The following TBC1D2 variants were observed in gnomAD, a reference collection of about 807,000 sequenced individuals.
TBC1D2 encodes TBC1 domain family member 2A.
Under a neutral mutation model 91.1 loss-of-function variants are expected in TBC1D2, and 58 were observed. That is an observed-to-expected ratio of 0.64 (90% CI 0.52 to 0.79). The LOEUF is 0.79. Ranked by LOEUF, TBC1D2 falls within the 30% of genes least tolerant of loss-of-function variation. TBC1D2 has a pLI of 0.00. For missense variants in TBC1D2, 1,080 were observed against 1,208.3 expected, an observed-to-expected ratio of 0.89 and a Z score of 1.57; for synonymous variants, 482 against 511.5, an observed-to-expected ratio of 0.94 and a Z score of 0.78.
chr9:98,213,555 A>G (rs41283616), intron 6 of TBC1D2: 74,313 of 360,540 alleles, frequency 0.21, 8,374 homozygotes, highest in African/African-American at 0.29. Context: ...GCAGTTGGGA[A>G]ACTAAGTGAG....
Position 98,251,800 on chromosome 9 carries a change from G to T in TBC1D2, c.496C>A (p.Leu166Met). 6.2e-7 allele frequency: 1 copy of T among 1,600,478 alleles called. No individual in the cohort carries two copies. Among genetic ancestry groups the T allele is most frequent in the Non-Finnish European group, 8.5e-7 (1 of 1,174,410 alleles). ...CATTGGGTACCTAGCTCGAGGTGCA[G>T]GACGGGCCCATTCCCAGCCAGGGCG... Reference protein sequence around the residue: ...DAALAGNGPVLHLELGQEEAE... With the variant: ...DAALAGNGPVMHLELGQEEAE... Residue 166 changes from leucine to methionine, a missense_variant, in exon 2 of 13, where the codon CTG becomes ATG. By Grantham distance (15) the Leu-to-Met change is conservative. Transcript: ENST00000465784.
intron 6 of TBC1D2, among the ~76,000 whole-genome samples, chr9:98,218,211 G>A (rs752441488): frequency 4.6e-5 from 7 of 152,088 alleles, no homozygotes; most frequent in Non-Finnish European, 1.0e-4. Context: ...TCATATGCAA[G>A]TGTATTCTTG....
intron 8 of TBC1D2, 87 bp from the exon 9 acceptor site, chr9:98,209,231 G>C (rs1828748472): frequency 1.5e-6 from 2 of 1,334,178 alleles, no homozygotes; most frequent in African/African-American, 2.9e-5. Context: ...CCCAGGCCAG[G>C]TTCCTGCCCT....
In TBC1D2 at chr9:98,221,321, C is replaced by G. The variant is rs943967260; in HGVS notation, c.979-93G>C. ...TGTTATCAGTAGTTCTCCTAACAAC[C>G]GTGAGAGGTGCCCAGCAGCATCCCT... On this transcript the variant is annotated intron_variant, in intron 5 of 12. Coordinates refer to ENST00000465784, the MANE Select transcript of TBC1D2 (RefSeq NM_001267571.2). 9 of 1,406,460 alleles carry G rather than the reference C, an allele frequency of 6.4e-6. No individual in the cohort carries two copies. The African/African-American group carries it at 1.2e-4, about 18-fold the overall frequency. The allele number at this position is 1,406,460 out of a possible 1,614,324, so 87.1% of individuals were successfully genotyped here.
chr9:98,239,624 G>A (rs778901133), intron 3 of TBC1D2, among the ~76,000 whole-genome samples: 69 of 152,148 alleles, frequency 4.5e-4, no homozygotes, highest in Non-Finnish European at 2.2e-4. Context: ...ATATTGGTCT[G>A]TATCTTTCTT....
intron 12 of TBC1D2, among the ~76,000 whole-genome samples, chr9:98,199,824 C>G (rs927561357): frequency 2.0e-5 from 3 of 152,112 alleles, no homozygotes; most frequent in African/African-American, 7.2e-5. Context: ...TCAGGGAAGG[C>G]TTCTTGGAGG....
chr9:98,242,339 G>T (rs1829659212), intron 3 of TBC1D2, among the ~76,000 whole-genome samples: 1 of 151,790 alleles, frequency 6.6e-6, no homozygotes, highest in Non-Finnish European at 1.5e-5. Context: ...TGCTATGGAA[G>T]CTGAGGCAGG....
chr9:98,209,097 T>C lies in TBC1D2; in HGVS notation c.1721A>G (p.Glu574Gly). The change falls in exon 9 of 13, where the codon GAA becomes GGA. Residue 574 changes from glutamate to glycine, a missense_variant. Transcript: ENST00000465784. ...GFLTVPDYEV[E>G]DLKLLAKIQA... ...GATCTTGGCCAGCAGCTTCAGGTCTTCCACCTCATAGTCGGGCACCGTCAG... is the reference window on the plus strand; with the variant it reads ...GATCTTGGCCAGCAGCTTCAGGTCTCCCACCTCATAGTCGGGCACCGTCAG... The C allele has an allele frequency of 6.2e-7, 1 of 1,614,102 alleles. No homozygotes were observed. Among genetic ancestry groups the C allele is most frequent in the East Asian group, 2.2e-5 (1 of 44,862 alleles).
intron 3 of TBC1D2, among the ~76,000 whole-genome samples, chr9:98,238,871 T>C (rs10818648): frequency 0.17 from 24,803 of 148,966 alleles, 2,166 homozygotes; most frequent in Admixed American, 0.18. Context: ...TACAGGCCTG[T>C]ACCACCATGG....
Position 98,209,720 on chromosome 9 carries a change from TC to T in TBC1D2, c.1674-577del, listed in dbSNP as rs1384711025. ...TGTGTTTGCCTAAATCTTTTTTTTT[TC>T]CTTCCTTCCTTCCTTCTTTCCTTTC... is the stretch of plus-strand genomic sequence containing the variant. On this transcript the variant is annotated intron_variant, in intron 8 of 12. Transcript: ENST00000465784. Among the ~76,000 whole-genome samples, 5 of 118,810 alleles carry T rather than the reference TC, an allele frequency of 4.2e-5. No individual in the cohort carries two copies. The South Asian group carries it at 8.1e-4, about 19-fold the overall frequency. 77.9% of individuals were successfully genotyped at this position (118,810 alleles called of 152,430 possible). A position where few individuals can be genotyped will look rare whatever the true frequency, so the allele number is the denominator to read the frequency against.
intron 3 of TBC1D2, among the ~76,000 whole-genome samples, chr9:98,234,047 C>T (rs1203455039): frequency 6.6e-6 from 1 of 152,172 alleles, no homozygotes; most frequent in Non-Finnish European, 1.5e-5. Context: ...TTGCAAACAT[C>T]TCCTGGCATC....
chr9:98,201,412 G>A, intron 11 of TBC1D2, 67 bp downstream of exon 11: 1 of 1,458,058 alleles, frequency 6.9e-7, no homozygotes, highest in Admixed American at 1.8e-5. Flanking sequence ...CAGGGGCAGA[G>A]TCAAGACGCA....
In TBC1D2 at chr9:98,200,283, C is replaced by T. The variant is rs775339179; in HGVS notation, c.2549G>A (p.Arg850His). The T allele has an allele frequency of 1.6e-5, 26 of 1,613,508 alleles. No homozygotes were observed. The highest frequency in any genetic ancestry group is 1.6e-4 in the Middle Eastern group (1 of 6,070). ...QNGLEIYQYL[R>H]FFTKTISNSR... Reference sequence around the variant, plus strand: ...GTTGGAGATGGTCTTGGTGAAGAAGCGCAGGTACTGGTAGATTTCCAGGCC... The same window carrying T: ...GTTGGAGATGGTCTTGGTGAAGAAGTGCAGGTACTGGTAGATTTCCAGGCC... Residue 850 changes from arginine (R) to histidine (H), a missense_variant, in exon 12 of 13, where the codon CGC (arginine) becomes CAC (histidine). By Grantham distance (29) the Arg-to-His change is conservative (BLOSUM62 0). Coordinates refer to ENST00000465784, the MANE Select transcript of TBC1D2 (RefSeq NM_001267571.2).
rs78094561 is a variant in TBC1D2, at chr9:98,215,484, T to A, written c.1375-2266A>T. Among the ~76,000 whole-genome samples the A allele has an allele frequency of 7.6e-3, 1,161 of 152,290 alleles. 7 individuals carry two copies. The highest frequency in any genetic ancestry group is 0.013 in the Non-Finnish European group (872 of 68,018). On this transcript the variant is annotated intron_variant, in intron 6 of 12. Coordinates refer to ENST00000465784, the MANE Select transcript of TBC1D2 (RefSeq NM_001267571.2). The stretch of plus-strand genomic sequence containing the variant: ...CAACTTGCCTAAGGCACAGCCAGTA[T>A]AAGGCAGATGTGACCAAACCCAGGT...
rs1418779392 is a variant in TBC1D2, at chr9:98,212,438, C to T, written c.1485+670G>A. ...GGACTCAATTCAGAAGGTACCTCCT[C>T]CAGGAAGCCCTCCCTGACTTTCCTT... On this transcript the variant is annotated intron_variant, in intron 7 of 12. Transcript: ENST00000465784. Among the ~76,000 whole-genome samples the T allele has an allele frequency of 2.6e-5, 4 of 152,098 alleles. No homozygotes were observed. The East Asian group carries it at 7.7e-4, about 29-fold the overall frequency.
In TBC1D2 at chr9:98,255,602, C is replaced by A. The variant is rs972364806; in HGVS notation, c.-61G>T. 9.8e-6 allele frequency: 14 copies of A among 1,423,738 alleles called. No individual in the cohort carries two copies. In the African/African-American group the frequency reaches 2.0e-4, roughly 21 times the overall value. The allele number at this position is 1,423,738 out of a possible 1,614,324, so 88.2% of individuals were successfully genotyped here. On this transcript the variant is annotated 5_prime_UTR_variant, in exon 1 of 13. Coordinates refer to ENST00000465784, the MANE Select transcript of TBC1D2 (RefSeq NM_001267571.2). The stretch of plus-strand genomic sequence containing the variant: ...CCGCGGGACCACCAGGGACAAATCT[C>A]GGAGACTCGGCGGGCAGCTTCCCAA...
intron 5 of TBC1D2, among the ~76,000 whole-genome samples, chr9:98,223,320 C>G (rs953405437): frequency 1.3e-5 from 2 of 152,114 alleles, no homozygotes; most frequent in African/African-American, 4.8e-5. Context: ...CCAGTAAAGA[C>G]CTGGAGGAAG....
intron 6 of TBC1D2, among the ~76,000 whole-genome samples, chr9:98,215,943 T>C (rs1828958428): frequency 6.6e-6 from 1 of 152,210 alleles, no homozygotes; most frequent in Non-Finnish European, 1.5e-5. Context: ...GTCTCCTGGC[T>C]ACACGCATGC....
At chr9:98,204,268 A>C (rs1828590574) in intron 9 of TBC1D2, among the ~76,000 whole-genome samples, 1 of 152,224 alleles carries the variant, frequency 6.6e-6, no homozygotes, top group Non-Finnish European at 1.5e-5. Flanking sequence ...ATTCAAAGAT[A>C]TCTGGGGAAT....
Sources: allele counts gnomAD v4.1 joint callset (sites outside exome capture counted in the v4.1 genomes callset), GRCh38; gene constraint gnomAD v4.1.1; transcripts MANE v1.5; gene names NCBI Gene and HGNC (gene_info 2026-07-23, HGNC 2026-07-21).